Variants in KAZN observed in about 807,000 individuals in gnomAD.
KAZN encodes the protein kazrin.
Under a neutral mutation model 87.4 loss-of-function variants are expected in KAZN, and 40 were observed. The observed-to-expected ratio is 0.46, with a 90% CI of 0.36 to 0.60. The LOEUF (loss-of-function observed/expected upper bound fraction) is 0.60, where lower values mean the gene tolerates loss of function less well. Ranked by LOEUF, KAZN falls within the 20% of genes least tolerant of loss-of-function variation. The pLI is 0.00. For synonymous variants in KAZN, 466 were observed against 458.3 expected (o/e 1.02, Z -0.22); for missense variants, 898 against 1,073.9 (o/e 0.84, Z 2.29).
At chr1:14,335,114 C>CA (rs911497339) in intron 2 of KAZN, among the ~76,000 whole-genome samples, 47 of 151,430 alleles carry the variant, frequency 3.1e-4, no homozygotes, top group Non-Finnish European at 4.4e-4. Context: ...GTGCCCCCCC[C>CA]CCACCACCCC....
chr1:13,957,162 G>A (rs544738296), intron 1 of KAZN, among the ~76,000 whole-genome samples: 3 of 152,254 alleles, frequency 2.0e-5, no homozygotes, highest in Non-Finnish European at 4.4e-5. Context: ...TAAGAGACTC[G>A]GATCATTGCT....
At chr1:14,169,299 C>G (rs1490864176) in intron 1 of KAZN, among the ~76,000 whole-genome samples, 1 of 151,968 alleles carries the variant, frequency 6.6e-6, no homozygotes, top group Non-Finnish European at 1.5e-5. Context: ...CTCCTCTTCT[C>G]TCCCCTCCCC....
intron 2 of KAZN, among the ~76,000 whole-genome samples, chr1:14,441,375 G>GGCA (rs1049058431): frequency 2.0e-4 from 30 of 151,824 alleles, no homozygotes; most frequent in Non-Finnish European, 4.0e-4. Flanking sequence ...CAGCGGCAGC[G>GGCA]GCAGCAGCAG....
intron 1 of KAZN, among the ~76,000 whole-genome samples, chr1:14,722,658 G>A (rs940454957): frequency 2.0e-5 from 3 of 152,106 alleles, no homozygotes; most frequent in African/African-American, 7.2e-5. Context: ...ACTTTTGATT[G>A]TGGAGAATTT....
chr1:13,937,239 G>T (rs920352207), intron 1 of KAZN, among the ~76,000 whole-genome samples: 2 of 151,926 alleles, frequency 1.3e-5, no homozygotes, highest in African/African-American at 4.8e-5. Context: ...GTAGAGATGG[G>T]GTCACCATGT....
At chr1:14,403,500 TAG>T (rs548277112) in intron 2 of KAZN, among the ~76,000 whole-genome samples, 2 of 152,078 alleles carry the variant, frequency 1.3e-5, no homozygotes, top group Admixed American at 6.5e-5. Flanking sequence ...AGACTCGAAG[TAG>T]GTATTTGCAA....
At chr1:14,365,376 G>C (rs893291992) in intron 2 of KAZN, among the ~76,000 whole-genome samples, 3 of 149,396 alleles carry the variant, frequency 2.0e-5, no homozygotes, top group African/African-American at 4.9e-5. Context: ...GGTGGGGGGG[G>C]GGGGGGTCTT....
chr1:14,716,597 G>A (rs776010633), intron 1 of KAZN, among the ~76,000 whole-genome samples: 1 of 152,062 alleles, frequency 6.6e-6, no homozygotes, highest in Non-Finnish European at 1.5e-5. Context: ...ATTCTCTGGC[G>A]GCAACTCTCT....
At chr1:14,859,949 T>C (rs1414827101) in intron 1 of KAZN, among the ~76,000 whole-genome samples, 2 of 152,130 alleles carry the variant, frequency 1.3e-5, no homozygotes, top group East Asian at 3.9e-4. Flanking sequence ...ACAGAATTTC[T>C]CCCAGACAGG....
intron 1 of KAZN, among the ~76,000 whole-genome samples, chr1:14,150,999 C>T (rs1187024204): frequency 1.3e-5 from 2 of 152,128 alleles, no homozygotes; most frequent in Non-Finnish European, 2.9e-5. Context: ...TGTATATTCT[C>T]AATTATATAT....
chr1:14,643,612 T>G (rs977610507), intron 1 of KAZN, among the ~76,000 whole-genome samples: 1 of 152,252 alleles, frequency 6.6e-6, no homozygotes, highest in Admixed American at 6.5e-5. Flanking sequence ...CTATTGTGAA[T>G]AGTTCTGCAG....
chr1:14,300,076 G>A (rs182096724), intron 2 of KAZN, among the ~76,000 whole-genome samples: 66 of 152,156 alleles, frequency 4.3e-4, no homozygotes, highest in African/African-American at 1.4e-3. Context: ...TCTCACAAAC[G>A]CAAAGGTGCT....
chr1:14,635,476 G>C (rs1002529909), intron 1 of KAZN, among the ~76,000 whole-genome samples: 2 of 152,196 alleles, frequency 1.3e-5, no homozygotes, highest in Non-Finnish European at 2.9e-5. Flanking sequence ...TCCAGTGCCT[G>C]GGTCAGTGTT....
chr1:14,400,842 G>A (rs1407284854), intron 2 of KAZN, among the ~76,000 whole-genome samples: 1 of 152,168 alleles, frequency 6.6e-6, no homozygotes, highest in African/African-American at 2.4e-5. Flanking sequence ...ATTGAACACT[G>A]GTTAAAAATA....
intron 1 of KAZN, among the ~76,000 whole-genome samples, chr1:14,720,958 A>AC (rs1193327151): frequency 6.6e-6 from 1 of 152,134 alleles, no homozygotes; most frequent in African/African-American, 2.4e-5. Flanking sequence ...CCATCAGGTG[A>AC]CCTGATGACC....
chr1:14,831,652 C>T (rs914544989), intron 1 of KAZN, among the ~76,000 whole-genome samples: 3 of 152,114 alleles, frequency 2.0e-5, no homozygotes, highest in Admixed American at 1.3e-4. Context: ...AGCCTACCGC[C>T]GAGGTTTTAC....
At chr1:14,550,736 T>TCTCC (rs1379510998) in intron 2 of KAZN, among the ~76,000 whole-genome samples, 1 of 41,812 alleles carries the variant, frequency 2.4e-5, no homozygotes, top group African/African-American at 8.3e-5. Flanking sequence ...TCTCTCTCTC[T>TCTCC]CTCCCCCACC....
At chr1:14,419,084 C>T (rs1489759474) in intron 2 of KAZN, among the ~76,000 whole-genome samples, 1 of 152,168 alleles carries the variant, frequency 6.6e-6, no homozygotes, top group Non-Finnish European at 1.5e-5. Flanking sequence ...CCGTATTGAG[C>T]ATTTTCAATA....
chr1:13,902,792 ACATG>A (rs1639295864), intron 1 of KAZN, among the ~76,000 whole-genome samples: 1 of 152,258 alleles, frequency 6.6e-6, no homozygotes, highest in African/African-American at 2.4e-5. Context: ...ATGAAATATC[ACATG>A]CACCCTCAAA....
Sources: allele counts gnomAD v4.1 joint callset (sites outside exome capture counted in the v4.1 genomes callset), GRCh38; gene constraint gnomAD v4.1.1; transcripts MANE v1.5; gene names NCBI Gene and HGNC (gene_info 2026-07-23, HGNC 2026-07-21).